The following GLRX3 variants were observed in gnomAD, a reference collection of about 807,000 sequenced individuals.
GLRX3 encodes glutaredoxin-3.
Under a neutral mutation model 49.5 loss-of-function variants are expected in GLRX3, and 22 were observed. The observed-to-expected ratio is 0.44, with a 90% CI of 0.32 to 0.63. The LOEUF (loss-of-function observed/expected upper bound fraction) is 0.63. Among genes scored for constraint, GLRX3 ranks in the 30% least tolerant of loss-of-function variants. GLRX3 has a pLI of 0.05. For missense variants in GLRX3, 385 were observed against 396.3 expected (o/e 0.97, Z 0.24); for synonymous variants, 133 against 140.0 (o/e 0.95, Z 0.35).
chr10:130,157,946 G>A (rs1377172702), intron 2 of GLRX3, among the ~76,000 whole-genome samples: 3 of 152,148 alleles, frequency 2.0e-5, no homozygotes, highest in South Asian at 2.1e-4. Flanking sequence ...ACGAATTTTA[G>A]TGCTGCAAGG....
At chr10:130,156,329 A>G (rs1480113186) in intron 2 of GLRX3, among the ~76,000 whole-genome samples, 1 of 152,180 alleles carries the variant, frequency 6.6e-6, no homozygotes, top group African/African-American at 2.4e-5. Flanking sequence ...GTTCCCATCC[A>G]TGAGGGCATA....
At chr10:130,153,121 C>T (rs547610951) in intron 2 of GLRX3, among the ~76,000 whole-genome samples, 1 of 152,240 alleles carries the variant, frequency 6.6e-6, no homozygotes, top group East Asian at 1.9e-4. Context: ...GTATGCTTCA[C>T]GCAGTTCTCA....
downstream of GLRX3, chr10:130,179,811 C>T (rs1862991439): frequency 1.1e-5 from 2 of 174,766 alleles, no homozygotes; most frequent in South Asian, 2.7e-4. Context: ...TGGCTCCCCT[C>T]GCTGGTGAAA....
chr10:130,155,786 T>A (rs1333037006), intron 2 of GLRX3, among the ~76,000 whole-genome samples: 1 of 152,098 alleles, frequency 6.6e-6, no homozygotes, highest in Non-Finnish European at 1.5e-5. Context: ...TGAGTGTGGA[T>A]AGGCATAGAA....
chr10:130,149,387 A>T (rs1475232627), intron 2 of GLRX3, among the ~76,000 whole-genome samples: 1 of 151,154 alleles, frequency 6.6e-6, no homozygotes, highest in African/African-American at 2.4e-5. Flanking sequence ...GGTTGCAGTG[A>T]CCCGAGATCG....
Position 130,160,889 on chromosome 10 carries a change from A to C in GLRX3, c.370A>C (p.Ser124Arg), listed in dbSNP as rs1862563150. The change falls in exon 4 of 11, where the codon AGC becomes CGC. Residue 124 changes from serine to arginine, a missense_variant. By Grantham distance (110) the Ser-to-Arg change is moderately radical. This residue lies in a region of GLRX3 where 374 missense variants were observed against 358.6 expected (regional missense o/e 1.04). Transcript: ENST00000331244. ...TGCATCTAGTGGCTCCTTCCTACCC[A>C]GCGCTAATGAACATCTTAAAGAAGA... The part of the protein sequence containing the change: ...RHASSGSFLP[S>R]ANEHLKEDLN... 4 of 1,611,560 alleles carry C rather than the reference A, an allele frequency of 2.5e-6. No individual in the cohort carries two copies. Among genetic ancestry groups the C allele is most frequent in the African/African-American group, 1.3e-5 (1 of 75,004 alleles).
At chr10:130,156,618 A>G (rs1435452949) in intron 2 of GLRX3, among the ~76,000 whole-genome samples, 1 of 152,198 alleles carries the variant, frequency 6.6e-6, no homozygotes, top group Admixed American at 6.5e-5. Context: ...CACACTTAGA[A>G]TAGTATCTGG....
intron 2 of GLRX3, 133 bp downstream of exon 2, chr10:130,145,452 C>CAGG: frequency 1.9e-6 from 1 of 525,998 alleles, no homozygotes; most frequent in East Asian, 3.0e-5. Flanking sequence ...CACCTGAGTT[C>CAGG]AGTAGTTTGA....
At chr10:130,173,418 C>T (rs1327790642) in intron 8 of GLRX3, among the ~76,000 whole-genome samples, 1 of 152,160 alleles carries the variant, frequency 6.6e-6, no homozygotes, top group Non-Finnish European at 1.5e-5. Context: ...TCGCTTAACA[C>T]GAGCAGACCA....
intron 10 of GLRX3, among the ~76,000 whole-genome samples, chr10:130,176,725 A>T (rs1264458423): frequency 1.3e-5 from 2 of 151,412 alleles, no homozygotes; most frequent in Non-Finnish European, 2.9e-5. Flanking sequence ...ACAGATCTGC[A>T]TTTGTTTCTT....
At chr10:130,165,830 C>T (rs1238054520) in intron 4 of GLRX3, among the ~76,000 whole-genome samples, 1 of 152,142 alleles carries the variant, frequency 6.6e-6, no homozygotes. Flanking sequence ...TTTTCATCTG[C>T]CCAGAATTGA....
intron 1 of GLRX3, among the ~76,000 whole-genome samples, chr10:130,138,272 G>C (rs1203447947): frequency 6.6e-6 from 1 of 152,080 alleles, no homozygotes; most frequent in Non-Finnish European, 1.5e-5. Flanking sequence ...GCCCAGGCTG[G>C]TCTCTGGAAC....
chr10:130,166,735 T>C (rs960757315), intron 5 of GLRX3, 56 bp downstream of exon 5: 3 of 1,232,684 alleles, frequency 2.4e-6, no homozygotes, highest in Admixed American at 4.0e-5. Context: ...GCATACTTTT[T>C]AAAATGTTGT....
intron 4 of GLRX3, among the ~76,000 whole-genome samples, chr10:130,162,703 A>G (rs1485708337): frequency 6.6e-6 from 1 of 152,212 alleles, no homozygotes; most frequent in Non-Finnish European, 1.5e-5. Context: ...AACCTAATGA[A>G]AAGGCAGGTG....
At chr10:130,162,235 C>T (rs567257080) in intron 4 of GLRX3, among the ~76,000 whole-genome samples, 10 of 152,300 alleles carry the variant, frequency 6.6e-5, no homozygotes, top group South Asian at 2.1e-4. Context: ...CTGCCTTGGC[C>T]TCCCAAAGTG....
At chr10:130,155,311 GTCT>G (rs568917732) in intron 2 of GLRX3, among the ~76,000 whole-genome samples, 2 of 152,276 alleles carry the variant, frequency 1.3e-5, no homozygotes, top group South Asian at 4.1e-4. Flanking sequence ...TAACATTCAG[GTCT>G]TATTCCAAGT....
At chr10:130,149,402 A>G (rs1295187728) in intron 2 of GLRX3, among the ~76,000 whole-genome samples, 1 of 151,748 alleles carries the variant, frequency 6.6e-6, no homozygotes, top group African/African-American at 2.4e-5. Context: ...AGATCGCGCT[A>G]CTGCACTCCG....
intron 1 of GLRX3, among the ~76,000 whole-genome samples, chr10:130,138,539 T>C (rs975658436): frequency 4.5e-4 from 68 of 152,222 alleles, no homozygotes; most frequent in African/African-American, 1.5e-3. Context: ...TAAAGTGTTA[T>C]TTAAACAGCT....
intron 4 of GLRX3, among the ~76,000 whole-genome samples, chr10:130,164,013 G>T (rs1192609519): frequency 6.6e-6 from 1 of 152,200 alleles, no homozygotes; most frequent in African/African-American, 2.4e-5. Flanking sequence ...AGAAAAACAT[G>T]AATGAATAAC....
Sources: allele counts gnomAD v4.1 joint callset (sites outside exome capture counted in the v4.1 genomes callset), GRCh38; gene constraint gnomAD v4.1.1; regional missense constraint gnomAD v4.1.1; transcripts MANE v1.5; gene names NCBI Gene and HGNC (gene_info 2026-07-23, HGNC 2026-07-21).